Variants in GPC5 observed in about 807,000 individuals in gnomAD.
GPC5 encodes the protein glypican 5, also known as glypican-5.
In GPC5, 47 loss-of-function variants were observed where a neutral mutation model predicts 53.9. That is an observed-to-expected ratio of 0.87 (90% confidence interval 0.69 to 1.11). The LOEUF (loss-of-function observed/expected upper bound fraction) is 1.11. Ranked by LOEUF, GPC5 falls within the 50% of genes most tolerant of loss-of-function variation. The pLI is 0.00. For missense variants in GPC5, 748 were observed against 713.1 expected, an observed-to-expected ratio of 1.05 and a Z score of -0.56; for synonymous variants, 286 against 263.3, an observed-to-expected ratio of 1.09 and a Z score of -0.84.
At chr13:92,673,121 A>G (rs1886808779) in intron 7 of GPC5, among the ~76,000 whole-genome samples, 1 of 151,998 alleles carries the variant, frequency 6.6e-6, no homozygotes, top group South Asian at 2.1e-4. Flanking sequence ...ATAATTTTTT[A>G]TGCATGACAT....
intron 2 of GPC5, among the ~76,000 whole-genome samples, chr13:91,658,930 G>A (rs1461235102): frequency 2.0e-5 from 3 of 151,996 alleles, no homozygotes; most frequent in African/African-American, 4.8e-5. Context: ...AAAATACTTC[G>A]TGCCCCACTC....
At chr13:91,736,471 C>CT (rs1444737552) in intron 4 of GPC5, among the ~76,000 whole-genome samples, 3 of 150,842 alleles carry the variant, frequency 2.0e-5, no homozygotes, top group Admixed American at 1.3e-4. Flanking sequence ...GAATGTAGAT[C>CT]TTTTTTTATT....
intron 5 of GPC5, among the ~76,000 whole-genome samples, chr13:91,810,063 A>G (rs1016803932): frequency 5.9e-5 from 9 of 152,058 alleles, no homozygotes; most frequent in Non-Finnish European, 1.2e-4. Context: ...GGAGGAAATC[A>G]TATTTTTTTT....
chr13:92,004,741 C>A (rs1317588918), intron 6 of GPC5, among the ~76,000 whole-genome samples: 1 of 151,574 alleles, frequency 6.6e-6, no homozygotes, highest in Non-Finnish European at 1.5e-5. Flanking sequence ...AGGTGAAAAG[C>A]ACATCTTACG....
intron 7 of GPC5, among the ~76,000 whole-genome samples, chr13:92,453,538 C>T (rs1175962473): frequency 6.6e-6 from 1 of 152,106 alleles, no homozygotes; most frequent in African/African-American, 2.4e-5. Flanking sequence ...ACCATATAAA[C>T]TATTTCAAGT....
At chr13:91,414,299 T>A (rs1164264245) in intron 1 of GPC5, among the ~76,000 whole-genome samples, 3 of 152,222 alleles carry the variant, frequency 2.0e-5, no homozygotes, top group Non-Finnish European at 4.4e-5. Context: ...ATTTACTCTG[T>A]CCTGCCACCT....
intron 7 of GPC5, among the ~76,000 whole-genome samples, chr13:92,562,320 A>G (rs1882726232): frequency 6.6e-6 from 1 of 152,068 alleles, no homozygotes; most frequent in South Asian, 2.1e-4. Context: ...GCTCTTGCCA[A>G]GAAGTCTGTG....
chr13:91,773,248 C>T (rs887558503), intron 5 of GPC5, among the ~76,000 whole-genome samples: 3 of 152,190 alleles, frequency 2.0e-5, no homozygotes, highest in African/African-American at 7.2e-5. Flanking sequence ...ATTTAAGCCA[C>T]ATTCAGATCT....
intron 3 of GPC5, among the ~76,000 whole-genome samples, chr13:91,705,777 C>A (rs1197075990): frequency 9.3e-5 from 14 of 150,158 alleles, no homozygotes; most frequent in Admixed American, 8.0e-4. Context: ...TACCCAAAAC[C>A]TGAAAAGAAT....
At position 91,971,790 on chromosome 13, in the gene GPC5, T is replaced by C. The variant is rs200310893; in HGVS notation, c.1401+63733T>C. ...GTTGAGCAGTTTTGAGTGAGTTTCT[T>C]AATCCTGAGTTCTAGTTTGATTGCA... On this transcript the variant is annotated intron_variant, in intron 6 of 7. Transcript: ENST00000377067. Among the ~76,000 whole-genome samples, 59 of 152,354 alleles carry C rather than the reference T, an allele frequency of 3.9e-4. No homozygotes were observed. The East Asian group carries it at 8.5e-3, about 22-fold the overall frequency.
chr13:91,620,760 A>G (rs1427154698), intron 2 of GPC5, among the ~76,000 whole-genome samples: 3 of 152,132 alleles, frequency 2.0e-5, no homozygotes, highest in Non-Finnish European at 4.4e-5. Context: ...TCTGTAGCTG[A>G]TGCCGATGAA....
chr13:92,600,200 A>T (rs1475306561), intron 7 of GPC5, among the ~76,000 whole-genome samples: 3 of 152,110 alleles, frequency 2.0e-5, no homozygotes, highest in African/African-American at 7.2e-5. Context: ...TTTTTTCTCC[A>T]ACAGTACAAC....
chr13:92,090,479 G>C lies in GPC5; in HGVS notation c.1402-54351G>C, dbSNP rs533570558. On this transcript the variant is annotated intron_variant, in intron 6 of 7. Coordinates refer to ENST00000377067, the MANE Select transcript of GPC5 (RefSeq NM_004466.6). ...AACATGTGGGGCACAGGGAAGAGAT[G>C]GCAATTCATGAATCAAGAAGCAGGT... Among the ~76,000 whole-genome samples the C allele has an allele frequency of 9.9e-4, 150 of 152,198 alleles. 1 individual carries two copies. Among genetic ancestry groups the C allele is most frequent in the African/African-American group, 3.5e-3 (144 of 41,522 alleles).
chr13:92,819,585 T>A (rs1594528248), intron 7 of GPC5, among the ~76,000 whole-genome samples: 1 of 152,224 alleles, frequency 6.6e-6, no homozygotes, highest in East Asian at 1.9e-4. Context: ...AATAAAATTT[T>A]CTTTTAAGCA....
chr13:91,551,794 A>G lies in GPC5; in HGVS notation c.325+102872A>G, dbSNP rs1202982771. Reference sequence around the variant, plus strand: ...TGGTTCTTAACACTAGGAGAGAAAGAGCAACATTATTCATGAAAAATTATG... The same window carrying G: ...TGGTTCTTAACACTAGGAGAGAAAGGGCAACATTATTCATGAAAAATTATG... On this transcript the variant is annotated intron_variant, in intron 2 of 7. Transcript: ENST00000377067. Among the ~76,000 whole-genome samples the G allele has an allele frequency of 3.3e-5, 5 of 152,254 alleles. No individual in the cohort carries two copies. The East Asian group carries it at 9.7e-4, about 29-fold the overall frequency.
chr13:92,517,102 C>T (rs1203010964), intron 7 of GPC5, among the ~76,000 whole-genome samples: 1 of 152,076 alleles, frequency 6.6e-6, no homozygotes. Flanking sequence ...GTCTGAGATC[C>T]AACTGCAAGG....
intron 7 of GPC5, among the ~76,000 whole-genome samples, chr13:92,657,579 G>GTTTTTT (rs67038073): frequency 9.4e-6 from 1 of 106,724 alleles, no homozygotes; most frequent in African/African-American, 3.7e-5. Flanking sequence ...AGGTTTTTTG[G>GTTTTTT]TTTTTTTTTT....
At chr13:92,220,677 A>G (rs948672546) in intron 7 of GPC5, among the ~76,000 whole-genome samples, 3 of 152,192 alleles carry the variant, frequency 2.0e-5, no homozygotes, top group African/African-American at 4.8e-5. Flanking sequence ...GCATTTGTGT[A>G]TCTTTTAAGA....
At chr13:92,346,741 C>A (rs569180591) in intron 7 of GPC5, among the ~76,000 whole-genome samples, 1 of 152,080 alleles carries the variant, frequency 6.6e-6, no homozygotes, top group Admixed American at 6.6e-5. Context: ...ACTGACAATT[C>A]CAAATATTCT....
Sources: gnomAD v4.1 joint callset for allele counts (sites outside exome capture counted in the v4.1 genomes callset) on GRCh38, gnomAD v4.1.1 for gene constraint, MANE v1.5 for transcripts, NCBI Gene and HGNC (gene_info 2026-07-23, HGNC 2026-07-21) for gene names.